ONECUT2: variants seen among roughly 807,000 people sequenced by gnomAD.
ONECUT2 encodes the protein one cut homeobox 2.
A neutral mutation model predicts 27.9 loss-of-function variants in ONECUT2; 10 were observed. The ratio of observed to expected loss-of-function variants is 0.36; its 90% confidence interval spans 0.22 to 0.61. The LOEUF is 0.61. Among genes scored for constraint, ONECUT2 ranks in the 20% least tolerant of loss-of-function variants. ONECUT2 has a pLI of 0.73. For missense variants in ONECUT2, 686 were observed against 721.0 expected, an observed-to-expected ratio of 0.95 and a Z score of 0.56; for synonymous variants, 334 against 315.1, an observed-to-expected ratio of 1.06 and a Z score of -0.64.
chr18:57,444,816 T>C (rs1460086202), intron 1 of ONECUT2, among the ~76,000 whole-genome samples: 1 of 152,156 alleles, frequency 6.6e-6, no homozygotes, highest in African/African-American at 2.4e-5. Context: ...CCTTTAAGTG[T>C]TCTCATCTAG....
intron 1 of ONECUT2, among the ~76,000 whole-genome samples, chr18:57,453,989 T>A (rs2122121831): frequency 6.6e-6 from 1 of 152,282 alleles, no homozygotes; most frequent in South Asian, 2.1e-4. Flanking sequence ...AGGGAATCTA[T>A]GGTGTTCGAG....
At chr18:57,470,773 CCACA>C (rs954645124) in intron 1 of ONECUT2, among the ~76,000 whole-genome samples, 8 of 151,730 alleles carry the variant, frequency 5.3e-5, no homozygotes, top group African/African-American at 1.7e-4. Context: ...ACCCTCCACA[CCACA>C]CACACACAAC....
At position 57,484,068 on chromosome 18, in the gene ONECUT2, T is replaced by C. The variant is rs2050427962; in HGVS notation, c.*7345T>C. On this transcript the variant is annotated 3_prime_UTR_variant, in exon 2 of 2. Transcript: ENST00000491143. The stretch of plus-strand genomic sequence containing the variant: ...ACCAGCCTGGATTTCGGGGCTTCTA[T>C]ACAGAAACTGGAAAAATAAATTTTA... The C allele has an allele frequency of 6.6e-6, 1 of 152,226 alleles. No homozygotes were observed. The highest frequency in any genetic ancestry group is 1.5e-5 in the Non-Finnish European group (1 of 67,990). 9.4% of individuals were successfully genotyped at this position (152,226 alleles called of 1,614,324 possible).
Position 57,476,692 on chromosome 18 carries a change from C to T in ONECUT2, c.1484C>T (p.Ser495Leu), listed in dbSNP as rs3745073. The T allele has an allele frequency of 1.7e-4, 269 of 1,614,122 alleles. No individual in the cohort carries two copies. The highest frequency in any genetic ancestry group is 1.3e-3 in the East Asian group (60 of 44,866). ...GACGATCTGAGCACAGGGGGCTCCT[C>T]GTCCACCTCCAGCACGTGTACCAAA... ...WQDDLSTGGS[S>L]STSSTCTKA Residue 495 changes from serine (S) to leucine (L), a missense_variant, in exon 2 of 2, where the codon TCG (serine) becomes TTG (leucine). Transcript: ENST00000491143.
Position 57,436,573 on chromosome 18 carries a change from C to A in ONECUT2, c.857C>A (p.Ala286Glu), listed in dbSNP as rs1331366548. The change falls in exon 1 of 2, where the codon GCG becomes GAG. Residue 286 changes from alanine to glutamate, a missense_variant. Ala to Glu is a moderately radical substitution (Grantham distance 107). Coordinates refer to ENST00000491143, the MANE Select transcript of ONECUT2 (RefSeq NM_004852.3). The surrounding 1 kb of genome is among the most constrained non-coding windows in gnomAD (Gnocchi z 5.9). ...TCCCGCGGCCTGGGCACCCCACCTG[C>A]GGCCATGATGTCGCACCTGAACGGC... ...HLSRGLGTPP[A>E]AMMSHLNGLH... 6.2e-7 allele frequency: 1 copy of A among 1,610,990 alleles called. No individual in the cohort carries two copies. The highest frequency in any genetic ancestry group is 1.1e-5 in the South Asian group (1 of 91,080).
chr18:57,490,687 A>G lies in ONECUT2; in HGVS notation c.*13964A>G, dbSNP rs191327064. 2 of 152,334 alleles carry G rather than the reference A, an allele frequency of 1.3e-5. No homozygotes were observed. Among genetic ancestry groups the G allele is most frequent in the African/African-American group, 2.4e-5 (1 of 41,570 alleles). 9.4% of individuals were successfully genotyped at this position (152,334 alleles called of 1,614,324 possible). On this transcript the variant is annotated 3_prime_UTR_variant, in exon 2 of 2. Coordinates refer to ENST00000491143, the MANE Select transcript of ONECUT2 (RefSeq NM_004852.3). ...AACTACCTTTTAAAAGTCTCTTTCC[A>G]GATTCCAAAAGGACAAGAGATCAGA...
At chr18:57,447,431 A>T (rs1055595660) in intron 1 of ONECUT2, among the ~76,000 whole-genome samples, 1 of 152,198 alleles carries the variant, frequency 6.6e-6, no homozygotes, top group Non-Finnish European at 1.5e-5. Flanking sequence ...TTTCCTCTGG[A>T]GCCCTGTGGC....
intron 1 of ONECUT2, chr18:57,467,310 C>T (rs2050326861): frequency 7.7e-6 from 3 of 388,618 alleles, no homozygotes; most frequent in African/African-American, 4.3e-5. Flanking sequence ...GGAGAAAGAG[C>T]AGAGATTTGC....
At position 57,482,385 on chromosome 18, in the gene ONECUT2, C is replaced by T. The variant is rs1220864955; in HGVS notation, c.*5662C>T. 6.6e-6 allele frequency: 1 copy of T among 152,206 alleles called. No homozygotes were observed. The highest frequency in any genetic ancestry group is 1.5e-5 in the Non-Finnish European group (1 of 68,038). 9.4% of individuals were successfully genotyped at this position (152,206 alleles called of 1,614,324 possible). On this transcript the variant is annotated 3_prime_UTR_variant, in exon 2 of 2. Transcript: ENST00000491143. ...GGCTGATGGGCTGTTGTGTGAATCA[C>T]ACAGGACCTTAAATGAGGCTCATTA...
intron 1 of ONECUT2, among the ~76,000 whole-genome samples, chr18:57,471,994 AG>A (rs1190718941): frequency 6.6e-6 from 1 of 152,104 alleles, no homozygotes; most frequent in East Asian, 1.9e-4. Flanking sequence ...TAAAAGAGAG[AG>A]GAGAAGAATC....
At chr18:57,461,797 C>T (rs572934750) in intron 1 of ONECUT2, among the ~76,000 whole-genome samples, 1 of 152,338 alleles carries the variant, frequency 6.6e-6, no homozygotes, top group Admixed American at 6.5e-5. Flanking sequence ...TGCATGTGGG[C>T]AGGGCAGGCT....
chr18:57,464,456 G>GTTTTT (rs796485301), intron 1 of ONECUT2, among the ~76,000 whole-genome samples: 46 of 150,392 alleles, frequency 3.1e-4, no homozygotes, highest in African/African-American at 1.1e-3. Context: ...TTTGTTTTTT[G>GTTTTT]TTTTTTTGTT....
Position 57,436,805 on chromosome 18 carries a change from G to A in ONECUT2, c.1089G>A (p.Arg363=). ...QAIFAQRVLC[R]SQGTLSDLLR... is the part of the protein sequence containing the mutation. ...TCTTTGCGCAGAGGGTGCTGTGCCG[G>A]TCTCAGGGGACTCTCTCCGACCTGC... The change falls in exon 1 of 2, where the codon CGG becomes CGA. Residue 363 remains arginine (R), a synonymous_variant. Coordinates refer to ENST00000491143, the MANE Select transcript of ONECUT2 (RefSeq NM_004852.3). This position sits in a 1 kb window ranked among gnomAD's most constrained non-coding sequence, Gnocchi z 5.9. The A allele has an allele frequency of 6.2e-7, 1 of 1,614,044 alleles. No homozygotes were observed. The highest frequency in any genetic ancestry group is 8.5e-7 in the Non-Finnish European group (1 of 1,180,038).
At chr18:57,470,122 G>T (rs2122144540) in intron 1 of ONECUT2, among the ~76,000 whole-genome samples, 1 of 152,342 alleles carries the variant, frequency 6.6e-6, no homozygotes, top group Non-Finnish European at 1.5e-5. Flanking sequence ...GGGTGTGTCT[G>T]CTGATACAGG....
In ONECUT2 at chr18:57,458,461, C is replaced by T. The variant is rs372649585; in HGVS notation, c.1229-17976C>T. On this transcript the variant is annotated intron_variant, in intron 1 of 1. Coordinates refer to ENST00000491143, the MANE Select transcript of ONECUT2 (RefSeq NM_004852.3). ...ATCTTAGGTTTGCGTATTGTTTTCA[C>T]ATAAGTGGCATCACACTGCATGCAT... Among the ~76,000 whole-genome samples, 8 of 152,310 alleles carry T rather than the reference C, an allele frequency of 5.3e-5. No individual in the cohort carries two copies. In the East Asian group the frequency reaches 1.5e-3, roughly 29 times the overall value.
At chr18:57,450,209 T>C (rs1281920042) in intron 1 of ONECUT2, among the ~76,000 whole-genome samples, 1 of 152,220 alleles carries the variant, frequency 6.6e-6, no homozygotes, top group Non-Finnish European at 1.5e-5. Context: ...AGCCGTACTT[T>C]GTCACCCAGG....
chr18:57,442,242 GGGTTT>G (rs1343954904), intron 1 of ONECUT2, among the ~76,000 whole-genome samples: 6 of 98,566 alleles, frequency 6.1e-5, no homozygotes, highest in African/African-American at 3.7e-4. Flanking sequence ...TAATTCTTCT[GGGTTT>G]TTTTTTTTTT....
intron 1 of ONECUT2, among the ~76,000 whole-genome samples, chr18:57,442,867 A>G (rs2050183146): frequency 6.6e-6 from 1 of 152,168 alleles, no homozygotes; most frequent in African/African-American, 2.4e-5. Flanking sequence ...GCCCTGAGGT[A>G]ACAGTACCCT....
At chr18:57,466,086 AGTTTTGTTTT>A (rs927372292) in intron 1 of ONECUT2, among the ~76,000 whole-genome samples, 1 of 151,980 alleles carries the variant, frequency 6.6e-6, no homozygotes, top group African/African-American at 2.4e-5. Context: ...TCCACCCTGC[AGTTTTGTTTT>A]GTTTTGTTTT....
Sources: gnomAD v4.1 joint callset for allele counts (sites outside exome capture counted in the v4.1 genomes callset) on GRCh38, gnomAD v4.1.1 for gene constraint, Gnocchi (gnomAD v3.1) non-coding constraint, MANE v1.5 for transcripts, NCBI Gene and HGNC (gene_info 2026-07-23, HGNC 2026-07-21) for gene names.